Variants in DOCK3 observed in about 807,000 individuals in gnomAD.
DOCK3 encodes the protein dedicator of cytokinesis 3, also known as dedicator of cytokinesis protein 3.
DOCK3 carries 60 observed loss-of-function variants against 265.6 expected under a neutral mutation model. The observed-to-expected ratio is 0.23, with a 90% confidence interval of 0.18 to 0.28. DOCK3 has a LOEUF of 0.28. Ranked by LOEUF, DOCK3 falls within the 10% of genes least tolerant of loss-of-function variation. The probability of loss-of-function intolerance (pLI) is 1.00; values close to 1 mark genes in which losing one functional copy is unlikely to be tolerated. For synonymous variants in DOCK3, 881 were observed against 938.0 expected, an observed-to-expected ratio of 0.94 and a Z score of 1.11; for missense variants, 1,981 against 2,594.3, an observed-to-expected ratio of 0.76 and a Z score of 5.14.
intron 5 of DOCK3, among the ~76,000 whole-genome samples, chr3:50,956,549 A>G (rs1423027225): frequency 6.6e-6 from 1 of 152,214 alleles, no homozygotes; most frequent in Non-Finnish European, 1.5e-5. Flanking sequence ...GTGCTTTGGC[A>G]TCCATTATTC....
At chr3:50,722,840 C>T (rs1034603349) in intron 1 of DOCK3, among the ~76,000 whole-genome samples, 13 of 147,452 alleles carry the variant, frequency 8.8e-5, no homozygotes, top group African/African-American at 2.8e-4. Context: ...GGCATGATCT[C>T]GGCTCACTGC....
At chr3:50,880,242 A>G (rs540670017) in intron 3 of DOCK3, among the ~76,000 whole-genome samples, 31 of 152,328 alleles carry the variant, frequency 2.0e-4, no homozygotes, top group Admixed American at 6.5e-4. Flanking sequence ...AAGAGCAAAC[A>G]CATTCAAAAG....
At chr3:50,797,120 A>G (rs2108645982) in intron 2 of DOCK3, among the ~76,000 whole-genome samples, 1 of 152,318 alleles carries the variant, frequency 6.6e-6, no homozygotes, top group Non-Finnish European at 1.5e-5. Context: ...ACACTGCTGC[A>G]TCAGGGTGCT....
At chr3:51,363,038 GA>G (rs2086854414) in intron 49 of DOCK3, among the ~76,000 whole-genome samples, 1 of 152,242 alleles carries the variant, frequency 6.6e-6, no homozygotes, top group African/African-American at 2.4e-5. Flanking sequence ...GACAAAGTAT[GA>G]AAAGTAAATC....
chr3:50,766,520 CATT>C (rs2040888599), intron 1 of DOCK3, among the ~76,000 whole-genome samples: 1 of 152,028 alleles, frequency 6.6e-6, no homozygotes, highest in East Asian at 1.9e-4. Context: ...TTCAGTCTAT[CATT>C]GATGGACATT....
intron 4 of DOCK3, among the ~76,000 whole-genome samples, 192 bp downstream of exon 4, chr3:50,890,273 A>G (rs1476538320): frequency 6.6e-6 from 1 of 152,094 alleles, no homozygotes. Context: ...TTTCTTGTAT[A>G]CGGAAGAAAT....
intron 50 of DOCK3, 61 bp from the exon 51 acceptor site, chr3:51,375,687 C>G: frequency 6.3e-7 from 1 of 1,592,640 alleles, no homozygotes; most frequent in Non-Finnish European, 8.6e-7. Flanking sequence ...GCCCACAACA[C>G]TGCCTCCCAA....
At chr3:51,026,051 T>TA (rs925403298) in intron 5 of DOCK3, among the ~76,000 whole-genome samples, 23 of 148,402 alleles carry the variant, frequency 1.5e-4, no homozygotes, top group Middle Eastern at 3.4e-3. Context: ...GTTCTTGCTT[T>TA]AAAAAAAAAA....
chr3:50,881,874 G>A (rs568712250), intron 3 of DOCK3, among the ~76,000 whole-genome samples: 1 of 152,146 alleles, frequency 6.6e-6, no homozygotes, highest in African/African-American at 2.4e-5. Context: ...TATACTACAA[G>A]TCTACAGTAA....
chr3:50,707,262 C>T (rs2036470283), intron 1 of DOCK3, among the ~76,000 whole-genome samples: 1 of 151,518 alleles, frequency 6.6e-6, no homozygotes, highest in South Asian at 2.1e-4. Context: ...ACGGTAAAAC[C>T]CCGTCTCTAC....
chr3:51,045,461 T>C (rs1160558096), intron 5 of DOCK3, among the ~76,000 whole-genome samples: 2 of 152,144 alleles, frequency 1.3e-5, no homozygotes, highest in Admixed American at 6.6e-5. Flanking sequence ...TGAAAACATT[T>C]GAAATATTGC....
intron 5 of DOCK3, among the ~76,000 whole-genome samples, chr3:50,946,554 T>G (rs375712414): frequency 6.6e-6 from 1 of 152,218 alleles, no homozygotes; most frequent in Non-Finnish European, 1.5e-5. Context: ...TCTTCCTTGT[T>G]AAAAGATCTC....
chr3:51,224,858 C>G (rs1439450783), intron 14 of DOCK3, among the ~76,000 whole-genome samples: 1 of 152,124 alleles, frequency 6.6e-6, no homozygotes, highest in Non-Finnish European at 1.5e-5. Context: ...ATGCTGTCTC[C>G]CCTCAACTCA....
intron 4 of DOCK3, among the ~76,000 whole-genome samples, chr3:50,929,500 T>G (rs984494883): frequency 1.8e-4 from 27 of 152,188 alleles, no homozygotes; most frequent in Non-Finnish European, 1.5e-4. Flanking sequence ...AACCAGTGAA[T>G]CTGGCCTTGC....
intron 9 of DOCK3, among the ~76,000 whole-genome samples, chr3:51,094,490 A>G (rs2082751915): frequency 6.6e-6 from 1 of 151,918 alleles, no homozygotes; most frequent in Admixed American, 6.6e-5. Flanking sequence ...GGTAGTTTGT[A>G]TTTTTGTGCA....
chr3:51,362,959 A>G (rs752769110), intron 49 of DOCK3, among the ~76,000 whole-genome samples: 12 of 152,232 alleles, frequency 7.9e-5, no homozygotes, highest in Non-Finnish European at 1.8e-4. Context: ...TCCCATTGAA[A>G]GTTTTGCTAG....
chr3:51,335,165 A>G (rs557733717), intron 35 of DOCK3, among the ~76,000 whole-genome samples: 2 of 152,198 alleles, frequency 1.3e-5, no homozygotes, highest in East Asian at 3.9e-4. Context: ...ATCCATGAGG[A>G]GACAACTAAA....
In DOCK3 at chr3:51,237,720, A is replaced by G. The variant is rs190535411; in HGVS notation, c.2102+130A>G. 7.3e-5 allele frequency: 57 copies of G among 784,548 alleles called. No homozygotes were observed. In the East Asian group the frequency reaches 1.4e-3, roughly 20 times the overall value. 48.6% of individuals were successfully genotyped at this position (784,548 alleles called of 1,614,324 possible). A position where few individuals can be genotyped will look rare whatever the true frequency, so the allele number is the denominator to read the frequency against. ...TAAAAATTTTATATTTTTAATTGTG[A>G]TAAAATACACATAACACAAAATTGA... is the stretch of plus-strand genomic sequence containing the variant. On this transcript the variant is annotated intron_variant, in intron 21 of 52. Transcript: ENST00000266037.
chr3:51,271,892 GA>G (rs2080520352), intron 24 of DOCK3, among the ~76,000 whole-genome samples: 1 of 151,298 alleles, frequency 6.6e-6, no homozygotes. Context: ...GGGCCCTGAG[GA>G]CCCTGTGCTT....
Sources: allele counts gnomAD v4.1 joint callset (sites outside exome capture counted in the v4.1 genomes callset), GRCh38; gene constraint gnomAD v4.1.1; transcripts MANE v1.5; gene names NCBI Gene and HGNC (gene_info 2026-07-23, HGNC 2026-07-21).